PACC1: variants seen among roughly 807,000 people sequenced by gnomAD.
The protein encoded by PACC1 is proton-activated chloride channel.
A neutral mutation model predicts 39.7 loss-of-function variants in PACC1; 34 were observed. That is an observed-to-expected ratio of 0.86 (90% CI 0.65 to 1.14). The LOEUF (loss-of-function observed/expected upper bound fraction) is 1.14, where lower values mean the gene tolerates loss of function less well. PACC1 is among the 50% of genes most tolerant of loss of function. The pLI is 0.00. For missense variants in PACC1, 379 were observed against 436.4 expected (o/e 0.87, Z 1.17); for synonymous variants, 127 against 160.6 (o/e 0.79, Z 1.58).
intron 2 of PACC1, among the ~76,000 whole-genome samples, chr1:212,392,323 T>C (rs908846991): frequency 1.3e-5 from 2 of 152,144 alleles, no homozygotes; most frequent in Non-Finnish European, 2.9e-5. Flanking sequence ...AACCCAGAAT[T>C]TCATATCCAG....
intron 2 of PACC1, among the ~76,000 whole-genome samples, chr1:212,401,430 A>G (rs1337160926): frequency 1.3e-5 from 2 of 152,048 alleles, no homozygotes; most frequent in Non-Finnish European, 2.9e-5. Context: ...GTTCGAGAAC[A>G]GCCTGGCCAA....
intron 2 of PACC1, among the ~76,000 whole-genome samples, chr1:212,403,153 T>C (rs1478613580): frequency 6.6e-6 from 1 of 152,212 alleles, no homozygotes; most frequent in African/African-American, 2.4e-5. Context: ...AGAATACTAA[T>C]TGGTTCTGAT....
chr1:212,414,160 G>A, intron 1 of PACC1: 1 of 1,401,296 alleles, frequency 7.1e-7, no homozygotes, highest in Non-Finnish European at 9.4e-7. Context: ...AGGGAGAGAC[G>A]AAGAGGAGCG....
At chr1:212,375,105 CATCATAATCTTAAATAATACATCT>C (rs1660598415) in intron 7 of PACC1, 64 bp downstream of exon 7, 1 of 1,071,224 alleles carries the variant, frequency 9.3e-7, no homozygotes, top group Non-Finnish European at 1.4e-6. Context: ...TTCAGGGCAG[CATCATAATCTTAAATAATACATCT>C]ATCATAATCT....
intron 7 of PACC1, among the ~76,000 whole-genome samples, chr1:212,365,801 A>G (rs1247306654): frequency 3.3e-5 from 5 of 152,194 alleles, no homozygotes; most frequent in Non-Finnish European, 7.3e-5. Context: ...GTTTTTCAAA[A>G]AAGCTCTGCA....
rs560659096 is a variant in PACC1, at chr1:212,388,907, G to A, written c.134-1807C>T. 2.0e-5 allele frequency among the ~76,000 whole-genome samples: 3 copies of A among 152,216 alleles called. No individual in the cohort carries two copies. In the East Asian group the frequency reaches 5.8e-4, roughly 29 times the overall value. ...AGCTGAGCACAAGGCTGAGAACAAG[G>A]GAAGCATCTGAACGTAAGCCCCAAA... On this transcript the variant is annotated intron_variant, in intron 2 of 7. Coordinates refer to ENST00000261455, the MANE Select transcript of PACC1 (RefSeq NM_018252.3).
At position 212,386,538 on chromosome 1, in the gene PACC1, G is replaced by A. The variant is rs919602320; in HGVS notation, c.343+353C>T. Among the ~76,000 whole-genome samples, 1 of 152,034 alleles carries A rather than the reference G, an allele frequency of 6.6e-6. No individual in the cohort carries two copies. Among genetic ancestry groups the A allele is most frequent in the Non-Finnish European group, 1.5e-5 (1 of 68,018 alleles). On this transcript the variant is annotated intron_variant, in intron 3 of 7. Transcript: ENST00000261455. The surrounding 1 kb of genome is among the most constrained non-coding windows in gnomAD (Gnocchi z 5.0). ...AGTTAGTCTCATCCTCTCCAGAGAA[G>A]CCCTCTGCCTCCCTAGACACCCCTT...
At chr1:212,410,700 T>C (rs759482153) in intron 1 of PACC1, among the ~76,000 whole-genome samples, 179 bp from the exon 2 acceptor site, 11 of 152,250 alleles carry the variant, frequency 7.2e-5, no homozygotes, top group Non-Finnish European at 1.0e-4. Flanking sequence ...CTCAATAAAC[T>C]TTCTGCTCTC....
At chr1:212,374,258 T>G (rs1012105308) in intron 7 of PACC1, among the ~76,000 whole-genome samples, 18 of 152,078 alleles carry the variant, frequency 1.2e-4, no homozygotes, top group African/African-American at 3.9e-4. Context: ...ATCCTGTCAT[T>G]TGCAGCAAAA....
intron 2 of PACC1, among the ~76,000 whole-genome samples, chr1:212,404,055 T>C (rs1661814863): frequency 6.6e-6 from 1 of 152,166 alleles, no homozygotes; most frequent in Admixed American, 6.5e-5. Context: ...GCCACATTCA[T>C]CTGAATCCTC....
intron 2 of PACC1, among the ~76,000 whole-genome samples, chr1:212,395,926 T>G (rs112382330): frequency 1.2e-4 from 19 of 152,116 alleles, no homozygotes; most frequent in East Asian, 1.9e-4. Context: ...TCATTAAAAA[T>G]TCAGGAAACA....
intron 7 of PACC1, among the ~76,000 whole-genome samples, chr1:212,373,823 A>T (rs1334160247): frequency 4.6e-5 from 7 of 152,314 alleles, no homozygotes; most frequent in African/African-American, 1.7e-4. Context: ...CCCCTCAGTT[A>T]AAATGACCAC....
Position 212,414,855 on chromosome 1 carries a change from A to G in PACC1, c.-98T>C. 1 of 1,530,936 alleles carries G rather than the reference A, an allele frequency of 6.5e-7. No individual in the cohort carries two copies. The highest frequency in any genetic ancestry group is 9.0e-7 in the Non-Finnish European group (1 of 1,116,490). The allele number at this position is 1,530,936 out of a possible 1,614,324, so 94.8% of individuals were successfully genotyped here. On this transcript the variant is annotated 5_prime_UTR_variant, in exon 1 of 8. Transcript: ENST00000261455. ...TGCACCTGGACCTACCGGCTCCGCG[A>G]GGCGAAACCGGTCCGGAGGGGCGTC... is the stretch of plus-strand genomic sequence containing the variant.
intron 2 of PACC1, among the ~76,000 whole-genome samples, chr1:212,398,061 C>T (rs990343958): frequency 5.9e-5 from 9 of 152,066 alleles, no homozygotes; most frequent in Non-Finnish European, 7.4e-5. Flanking sequence ...GATGACAGAA[C>T]GCTGCAAAAT....
At chr1:212,400,716 C>T (rs991062401) in intron 2 of PACC1, among the ~76,000 whole-genome samples, 2 of 152,092 alleles carry the variant, frequency 1.3e-5, no homozygotes, top group African/African-American at 4.8e-5. Flanking sequence ...GATGAATGTG[C>T]TTTAAAAGTA....
At chr1:212,392,098 C>A (rs1456478491) in intron 2 of PACC1, among the ~76,000 whole-genome samples, 1 of 152,114 alleles carries the variant, frequency 6.6e-6, no homozygotes, top group Non-Finnish European at 1.5e-5. Flanking sequence ...GAGAATGCCA[C>A]AAAGATACTC....
intron 7 of PACC1, among the ~76,000 whole-genome samples, chr1:212,371,241 C>CAAAAAAAA (rs1189603478): frequency 1.1e-5 from 1 of 88,804 alleles, no homozygotes. Flanking sequence ...GACTCCATTT[C>CAAAAAAAA]AAAAAAAAAA....
At chr1:212,398,414 T>C (rs922318700) in intron 2 of PACC1, among the ~76,000 whole-genome samples, 1 of 152,268 alleles carries the variant, frequency 6.6e-6, no homozygotes, top group Admixed American at 6.5e-5. Context: ...AACCAGTGAA[T>C]GTTCCTTGCT....
chr1:212,365,316 A>G lies in PACC1; in HGVS notation c.952T>C (p.Phe318Leu), dbSNP rs775691932. Residue 318 changes from phenylalanine (F) to leucine (L), a missense_variant, in exon 8 of 8, where the codon TTT becomes CTT. By Grantham distance (22) the Phe-to-Leu change is conservative. Transcript: ENST00000261455. The part of the protein sequence containing the change: ...ALLCGAFLAL[F>L]KAAEFAKLSI... Reference sequence around the variant, plus strand: ...AGTTTGGCAAACTCTGCTGCTTTAAATAATGCCAAGAAGGCGCCACAGAGA... The same window carrying G: ...AGTTTGGCAAACTCTGCTGCTTTAAGTAATGCCAAGAAGGCGCCACAGAGA... 20 of 1,613,946 alleles carry G rather than the reference A, an allele frequency of 1.2e-5. No individual in the cohort carries two copies. Among genetic ancestry groups the G allele is most frequent in the Non-Finnish European group, 1.7e-5 (20 of 1,179,998 alleles).
Sources: gnomAD v4.1 joint callset for allele counts (sites outside exome capture counted in the v4.1 genomes callset) on GRCh38, gnomAD v4.1.1 for gene constraint, Gnocchi (gnomAD v3.1) non-coding constraint, MANE v1.5 for transcripts, NCBI Gene and HGNC (gene_info 2026-07-23, HGNC 2026-07-21) for gene names.